ANKS1B: variants seen among roughly 807,000 people sequenced by gnomAD.
The protein encoded by ANKS1B is ankyrin repeat and sterile alpha motif domain-containing protein 1B.
ANKS1B carries 36 observed loss-of-function variants against 148.3 expected under a neutral mutation model. The ratio of observed to expected loss-of-function variants is 0.24; its 90% CI spans 0.19 to 0.32. ANKS1B has a LOEUF of 0.32. Among genes scored for constraint, ANKS1B ranks in the 10% least tolerant of loss-of-function variants. The probability of loss-of-function intolerance (pLI) is 1.00; values close to 1 mark genes in which losing one functional copy is unlikely to be tolerated. For synonymous variants in ANKS1B, 542 were observed against 560.8 expected (o/e 0.97, Z 0.47); for missense variants, 1,157 against 1,542.6 (o/e 0.75, Z 4.19).
downstream of ANKS1B, among the ~76,000 whole-genome samples, chr12:98,741,743 G>GT (rs1371498451): frequency 3.3e-5 from 5 of 152,188 alleles, no homozygotes; most frequent in Admixed American, 6.5e-5. Flanking sequence ...CACTGGCATT[G>GT]TTTTTTTCCT....
intron 14 of ANKS1B, chr12:99,155,122 A>G (rs2075860206): frequency 6.7e-7 from 1 of 1,501,110 alleles, no homozygotes; most frequent in Non-Finnish European, 8.8e-7. Flanking sequence ...TTACGTTTCA[A>G]AAGACACCAG....
intron 1 of ANKS1B, among the ~76,000 whole-genome samples, chr12:99,936,366 G>A (rs1420983768): frequency 6.6e-6 from 1 of 152,168 alleles, no homozygotes; most frequent in African/African-American, 2.4e-5. Context: ...GGATAATTAG[G>A]CCAGGCACAG....
At chr12:98,806,580 T>G (rs2099052600) in intron 20 of ANKS1B, among the ~76,000 whole-genome samples, 4 of 152,246 alleles carry the variant, frequency 2.6e-5, no homozygotes, top group Admixed American at 6.5e-5. Context: ...TTCTGTAATC[T>G]CTAAGGCTTT....
At chr12:99,462,623 A>C (rs932679129) in intron 10 of ANKS1B, among the ~76,000 whole-genome samples, 2 of 152,238 alleles carry the variant, frequency 1.3e-5, no homozygotes, top group African/African-American at 4.8e-5. Flanking sequence ...CTGAGACAGA[A>C]AAATCATACA....
rs2094985919 is a variant in ANKS1B at position 99,418,684 on chromosome 12, G to A, written c.1576-18873C>T. Among the ~76,000 whole-genome samples the A allele has an allele frequency of 2.0e-5, 3 of 152,076 alleles. No individual in the cohort carries two copies. The South Asian group carries it at 6.2e-4, about 32-fold the overall frequency. ...GTTAGAGCTTCCAGCACTATGTTGA[G>A]TGACAGTGGTGAGCACAGTGGACAT... On this transcript the variant is annotated intron_variant, in intron 11 of 26. Coordinates refer to ENST00000683438, the MANE Select transcript of ANKS1B (RefSeq NM_001352186.2).
rs114482831 is a variant in ANKS1B, at chr12:99,945,651, T to C, written c.134+38453A>G. On this transcript the variant is annotated intron_variant, in intron 1 of 26. Coordinates refer to ENST00000683438, the MANE Select transcript of ANKS1B (RefSeq NM_001352186.2). ...TTTCTCATAAATTAGGTGACTCTTG[T>C]GGAGGTCATGGGCACTTAATCCAGA... Among the ~76,000 whole-genome samples, 409 of 152,278 alleles carry C rather than the reference T, an allele frequency of 2.7e-3. 1 individual carries two copies. The highest frequency in any genetic ancestry group is 9.5e-3 in the African/African-American group (393 of 41,568).
chr12:99,531,691 A>G (rs1385415792), intron 9 of ANKS1B, among the ~76,000 whole-genome samples: 2 of 152,176 alleles, frequency 1.3e-5, no homozygotes, highest in African/African-American at 4.8e-5. Flanking sequence ...TGTCTTTCTA[A>G]TAACTTCCTT....
intron 9 of ANKS1B, among the ~76,000 whole-genome samples, chr12:99,619,708 ACCTATTC>A (rs1567493193): frequency 6.6e-6 from 1 of 152,034 alleles, no homozygotes; most frequent in African/African-American, 2.4e-5. Context: ...CATTCTGAGA[ACCTATTC>A]TCCTAGATTA....
At chr12:99,366,161 C>A (rs958807272) in intron 12 of ANKS1B, among the ~76,000 whole-genome samples, 17 of 152,194 alleles carry the variant, frequency 1.1e-4, no homozygotes, top group African/African-American at 3.6e-4. Flanking sequence ...TTTAGAAGCA[C>A]TTGTGCAAGA....
chr12:99,592,406 G>C (rs1300749389), intron 9 of ANKS1B, among the ~76,000 whole-genome samples: 2 of 151,250 alleles, frequency 1.3e-5, no homozygotes, highest in African/African-American at 2.4e-5. Flanking sequence ...GGATGGTAAG[G>C]GTATTTCATT....
At chr12:99,433,362 C>T (rs1293540730) in intron 11 of ANKS1B, among the ~76,000 whole-genome samples, 1 of 152,128 alleles carries the variant, frequency 6.6e-6, no homozygotes, top group Non-Finnish European at 1.5e-5. Context: ...TACCATATAG[C>T]TTCTGGAAAT....
chr12:99,947,860 A>G (rs2095109678), intron 1 of ANKS1B, among the ~76,000 whole-genome samples: 3 of 152,180 alleles, frequency 2.0e-5, no homozygotes, highest in African/African-American at 7.2e-5. Flanking sequence ...GAGGTTGCTC[A>G]CAACTCCTAG....
chr12:99,276,534 T>A (rs1203959495), intron 12 of ANKS1B, among the ~76,000 whole-genome samples: 3 of 152,080 alleles, frequency 2.0e-5, no homozygotes, highest in Non-Finnish European at 4.4e-5. Flanking sequence ...AGGGTGAGCA[T>A]CTCTCTCACC....
intron 9 of ANKS1B, among the ~76,000 whole-genome samples, chr12:99,513,955 C>T (rs1229469462): frequency 1.3e-5 from 2 of 152,134 alleles, no homozygotes; most frequent in Middle Eastern, 3.4e-3. Flanking sequence ...AGTCATAGAA[C>T]ACGTTGATTC....
At chr12:99,579,874 G>A (rs575302724) in intron 9 of ANKS1B, among the ~76,000 whole-genome samples, 1 of 151,482 alleles carries the variant, frequency 6.6e-6, no homozygotes, top group Admixed American at 6.6e-5. Flanking sequence ...AAAATAAATC[G>A]TTCCACCAAA....
intron 12 of ANKS1B, among the ~76,000 whole-genome samples, chr12:99,300,051 A>G (rs888976702): frequency 5.3e-5 from 8 of 152,302 alleles, no homozygotes; most frequent in African/African-American, 1.9e-4. Context: ...CCTGATTTGA[A>G]TAGCACAGCC....
At chr12:99,470,595 T>C (rs1233987324) in intron 10 of ANKS1B, among the ~76,000 whole-genome samples, 1 of 152,172 alleles carries the variant, frequency 6.6e-6, no homozygotes, top group Non-Finnish European at 1.5e-5. Context: ...GTGGTTATAG[T>C]TTAATAGATT....
intron 17 of ANKS1B, among the ~76,000 whole-genome samples, chr12:99,037,719 T>A (rs1398538937): frequency 2.6e-5 from 4 of 152,206 alleles, no homozygotes; most frequent in Non-Finnish European, 4.4e-5. Context: ...GAGGCTTTTT[T>A]CCTTTAAGGT....
chr12:98,837,348 AAAAAG>A (rs2099377211), intron 17 of ANKS1B, among the ~76,000 whole-genome samples: 1 of 151,828 alleles, frequency 6.6e-6, no homozygotes, highest in African/African-American at 2.4e-5. Context: ...GAAAAAAAAA[AAAAAG>A]AAAAAGAAAA....
Sources: allele counts gnomAD v4.1 joint callset (sites outside exome capture counted in the v4.1 genomes callset), GRCh38; gene constraint gnomAD v4.1.1; transcripts MANE v1.5; gene names NCBI Gene and HGNC (gene_info 2026-07-23, HGNC 2026-07-21).